PLCH1: variants seen among roughly 807,000 people sequenced by gnomAD.
The protein encoded by PLCH1 is phospholipase C eta 1.
PLCH1 carries 60 observed loss-of-function variants against 126.7 expected under a neutral mutation model. The ratio of observed to expected loss-of-function variants is 0.47; its 90% CI spans 0.38 to 0.59. The LOEUF (loss-of-function observed/expected upper bound fraction) is 0.59. PLCH1 is among the 20% of genes least tolerant of loss of function. PLCH1 has a pLI of 0.00. For missense variants in PLCH1, 1,723 were observed against 2,040.0 expected, an observed-to-expected ratio of 0.84 and a Z score of 2.99; for synonymous variants, 719 against 734.9, an observed-to-expected ratio of 0.98 and a Z score of 0.35.
chr3:155,479,156 T>A (rs1156346612), downstream of PLCH1, among the ~76,000 whole-genome samples: 1 of 152,156 alleles, frequency 6.6e-6, no homozygotes, highest in African/African-American at 2.4e-5. Flanking sequence ...CGTCAAATCC[T>A]AAAGGGCAGC....
intron 2 of PLCH1, among the ~76,000 whole-genome samples, chr3:155,682,238 T>C (rs982384036): frequency 5.9e-5 from 9 of 152,162 alleles, no homozygotes; most frequent in African/African-American, 2.2e-4. Flanking sequence ...AAGGTAGAGA[T>C]CATTTATCAA....
intron 2 of PLCH1, among the ~76,000 whole-genome samples, chr3:155,654,487 A>C (rs1741131967): frequency 6.6e-6 from 1 of 152,170 alleles, no homozygotes; most frequent in South Asian, 2.1e-4. Context: ...TAACATATCA[A>C]AAGAAGAACT....
intron 1 of PLCH1, among the ~76,000 whole-genome samples, chr3:155,713,967 T>G (rs189315279): frequency 1.2e-4 from 19 of 152,294 alleles, no homozygotes; most frequent in Admixed American, 1.1e-3. Context: ...AGCATTTAAC[T>G]TACATGGAGA....
At chr3:155,656,150 A>G (rs1406127859) in intron 2 of PLCH1, among the ~76,000 whole-genome samples, 1 of 150,522 alleles carries the variant, frequency 6.6e-6, no homozygotes, top group Non-Finnish European at 1.5e-5. Context: ...TTTTCATAGA[A>G]GGAATAGAGA....
At chr3:155,559,059 T>G (rs1727208974) in intron 8 of PLCH1, among the ~76,000 whole-genome samples, 1 of 152,176 alleles carries the variant, frequency 6.6e-6, no homozygotes, top group Non-Finnish European at 1.5e-5. Context: ...CTGGCCATCC[T>G]TATATGACAT....
At chr3:155,727,732 C>G (rs1431393770) in intron 1 of PLCH1, among the ~76,000 whole-genome samples, 1 of 152,054 alleles carries the variant, frequency 6.6e-6, no homozygotes, top group Non-Finnish European at 1.5e-5. Context: ...TGAGGTTTTC[C>G]TGACTTCATA....
At chr3:155,512,146 C>A (rs555390573) in intron 12 of PLCH1, among the ~76,000 whole-genome samples, 5 of 151,560 alleles carry the variant, frequency 3.3e-5, no homozygotes, top group Admixed American at 1.3e-4. Context: ...TTCTTTGACT[C>A]GGAAAGGGAA....
chr3:155,473,705 A>C (rs1427531626), intron 21 of PLCH1, among the ~76,000 whole-genome samples: 3 of 151,940 alleles, frequency 2.0e-5, no homozygotes, highest in Non-Finnish European at 4.4e-5. Flanking sequence ...CCAAAACAGC[A>C]TGGTACTGGT....
At chr3:155,716,327 T>A (rs138764952) in intron 1 of PLCH1, among the ~76,000 whole-genome samples, 2 of 147,348 alleles carry the variant, frequency 1.4e-5, no homozygotes, top group Non-Finnish European at 3.0e-5. Flanking sequence ...TTAGGAGGTG[T>A]GATCTTCATG....
At chr3:155,520,860 T>G (rs1720990532) in intron 11 of PLCH1, among the ~76,000 whole-genome samples, 1 of 152,182 alleles carries the variant, frequency 6.6e-6, no homozygotes, top group Non-Finnish European at 1.5e-5. Context: ...TTCAGTTAAT[T>G]CAACAACAGA....
chr3:155,659,529 A>C (rs2108933474), intron 2 of PLCH1, among the ~76,000 whole-genome samples: 1 of 144,634 alleles, frequency 6.9e-6, no homozygotes, highest in Non-Finnish European at 1.5e-5. Context: ...TTTGAGATAG[A>C]CTCTCTGTTG....
At chr3:155,540,394 A>G (rs1246794056) in intron 10 of PLCH1, among the ~76,000 whole-genome samples, 1 of 152,182 alleles carries the variant, frequency 6.6e-6, no homozygotes, top group Non-Finnish European at 1.5e-5. Flanking sequence ...AAGAGATGGG[A>G]CTTAATTAAA....
At chr3:155,718,730 A>G (rs1747711069) in intron 1 of PLCH1, among the ~76,000 whole-genome samples, 1 of 152,148 alleles carries the variant, frequency 6.6e-6, no homozygotes. Context: ...CCAAGCCATG[A>G]GGGATGACCC....
intron 12 of PLCH1, among the ~76,000 whole-genome samples, chr3:155,505,762 G>C (rs1361011589): frequency 6.6e-6 from 1 of 152,120 alleles, no homozygotes; most frequent in Non-Finnish European, 1.5e-5. Flanking sequence ...ATCATTAACT[G>C]TTCAAAAACT....
chr3:155,456,100 T>A (rs998588962), intron 21 of PLCH1, among the ~76,000 whole-genome samples: 1 of 152,232 alleles, frequency 6.6e-6, no homozygotes, highest in Non-Finnish European at 1.5e-5. Context: ...ACCTTGAAAT[T>A]CTGATGTTGA....
intron 6 of PLCH1, among the ~76,000 whole-genome samples, chr3:155,581,409 A>C (rs922167978): frequency 2.0e-5 from 3 of 152,254 alleles, no homozygotes; most frequent in African/African-American, 7.2e-5. Context: ...ATTTCCATCA[A>C]CTGATGAATA....
chr3:155,701,182 G>A (rs540877962), intron 2 of PLCH1, among the ~76,000 whole-genome samples: 1 of 152,146 alleles, frequency 6.6e-6, no homozygotes. Flanking sequence ...GTAGATAAAA[G>A]GCCGGACATA....
At chr3:155,624,446 G>C (rs1048461132) in intron 2 of PLCH1, among the ~76,000 whole-genome samples, 4 of 152,202 alleles carry the variant, frequency 2.6e-5, no homozygotes, top group African/African-American at 7.2e-5. Flanking sequence ...ATTAGGAAAA[G>C]AGGGAGTCAA....
rs753888257 is a variant in PLCH1, at chr3:155,482,308, T to C, written c.3718A>G (p.Lys1240Glu). 1 of 1,614,140 alleles carries C rather than the reference T, an allele frequency of 6.2e-7. No homozygotes were observed. Among genetic ancestry groups the C allele is most frequent in the Non-Finnish European group, 8.5e-7 (1 of 1,180,032 alleles). ...IKHGFCKGKS[K>E]SSFLCSSPEL... ...GGAGATGAGCACAGGAAGGAAGACT[T>C]GGATTTTCCCTTGCAAAAACCATGC... The change falls in exon 23 of 23, where the codon AAG becomes GAG. Residue 1240 changes from lysine to glutamate, a missense_variant. Coordinates refer to ENST00000460012, the MANE Select transcript of PLCH1 (RefSeq NM_014996.4).
Sources: allele counts gnomAD v4.1 joint callset (sites outside exome capture counted in the v4.1 genomes callset), GRCh38; gene constraint gnomAD v4.1.1; transcripts MANE v1.5; gene names NCBI Gene and HGNC (gene_info 2026-07-23, HGNC 2026-07-21).